Variants in GAB4 observed in about 807,000 individuals in gnomAD.
The protein encoded by GAB4 is GRB2 associated binding protein family member 4, also known as GRB2-associated-binding protein 4.
A neutral mutation model predicts 51.3 loss-of-function variants in GAB4; 26 were observed. The ratio of observed to expected loss-of-function variants is 0.51; its 90% CI spans 0.37 to 0.70. The LOEUF is 0.70. Among genes scored for constraint, GAB4 ranks in the 30% least tolerant of loss-of-function variants. The pLI, the probability that GAB4 is intolerant of heterozygous loss-of-function variation, is 0.00. For missense variants in GAB4, 759 were observed against 734.6 expected, an observed-to-expected ratio of 1.03 and a Z score of -0.38; for synonymous variants, 329 against 291.2, an observed-to-expected ratio of 1.13 and a Z score of -1.32.
chr22:16,975,743 C>CACCT (rs1245249773), intron 3 of GAB4, among the ~76,000 whole-genome samples: 1 of 152,326 alleles, frequency 6.6e-6, no homozygotes, highest in South Asian at 2.1e-4. Flanking sequence ...CATCGACAGA[C>CACCT]ACCTCATACA....
chr22:16,999,936 T>C (rs1187236629), intron 1 of GAB4, among the ~76,000 whole-genome samples: 1 of 152,222 alleles, frequency 6.6e-6, no homozygotes, highest in Non-Finnish European at 1.5e-5. Flanking sequence ...TCAGTTTCCA[T>C]ATAGTTGAGC....
chr22:17,002,017 C>A (rs2061001606), intron 1 of GAB4, among the ~76,000 whole-genome samples: 1 of 152,104 alleles, frequency 6.6e-6, no homozygotes, highest in Non-Finnish European at 1.5e-5. Context: ...TGGAAAAGTG[C>A]AGTATTAGGG....
At position 16,968,278 on chromosome 22, in the gene GAB4, C is replaced by T. The variant is rs765989364; in HGVS notation, c.1023+20G>A. ...ACCTCCCTGAGCCAGTCTGGGGACC[C>T]CTGGTTAAGCCATACTCACCAGGAA... On this transcript the variant is annotated intron_variant, in intron 5 of 9. Coordinates refer to ENST00000400588, the MANE Select transcript of GAB4 (RefSeq NM_001037814.1). 4 of 1,592,092 alleles carry T rather than the reference C, an allele frequency of 2.5e-6. No homozygotes were observed. The highest frequency in any genetic ancestry group is 2.2e-5 in the South Asian group (2 of 90,658).
At chr22:16,968,839 C>T (rs2060705049) in intron 4 of GAB4, among the ~76,000 whole-genome samples, 1 of 152,120 alleles carries the variant, frequency 6.6e-6, no homozygotes, top group Non-Finnish European at 1.5e-5. Context: ...TGCTGAAACA[C>T]TAAAAAGACT....
At chr22:16,995,379 G>A (rs901399356) in intron 1 of GAB4, among the ~76,000 whole-genome samples, 4 of 152,200 alleles carry the variant, frequency 2.6e-5, no homozygotes, top group Non-Finnish European at 5.9e-5. Flanking sequence ...TCCATGTTGT[G>A]TATCAATATC....
Position 16,965,177 on chromosome 22 carries a change from C to T in GAB4, c.1379+1G>A, listed in dbSNP as rs1358154269. 6.2e-6 allele frequency: 10 copies of T among 1,610,660 alleles called. No individual in the cohort carries two copies. The highest frequency in any genetic ancestry group is 2.2e-5 in the East Asian group (1 of 44,842). On this transcript the variant is annotated splice_donor_variant, in intron 7 of 9. Transcript: ENST00000400588. LOFTEE classifies it high-confidence loss of function. ...TCCTGTTTCCACTGACAGACACTCACCTGGTCCCAGACCAGGGCTCTGTGA... is the reference window on the plus strand; with the variant it reads ...TCCTGTTTCCACTGACAGACACTCATCTGGTCCCAGACCAGGGCTCTGTGA...
At position 16,966,224 on chromosome 22, in the gene GAB4, T is replaced by A. The variant is rs375569869; in HGVS notation, c.1164A>T (p.Ser388=). The A allele has an allele frequency of 1.9e-6, 3 of 1,613,916 alleles. No individual in the cohort carries two copies. The highest frequency in any genetic ancestry group is 2.5e-6 in the Non-Finnish European group (3 of 1,180,028). Residue 388 remains serine, a synonymous_variant, in exon 6 of 10, where the codon TCA becomes TCT. Transcript: ENST00000400588. ...DSQGVCIPVG[S]CLVRFDLLGS... ...CAAGCAGGTCAAAGCGAACAAGACA[T>A]GAGCCCACAGGGATGCAGACACCCT...
chr22:16,965,895 C>G (rs2060668429), intron 6 of GAB4, among the ~76,000 whole-genome samples: 1 of 152,188 alleles, frequency 6.6e-6, no homozygotes, highest in Admixed American at 6.5e-5. Flanking sequence ...TGCTGTGAGC[C>G]AGGGCCACTG....
intron 1 of GAB4, among the ~76,000 whole-genome samples, chr22:16,995,957 T>A (rs1340305642): frequency 6.6e-6 from 1 of 151,332 alleles, no homozygotes; most frequent in Non-Finnish European, 1.5e-5. Context: ...GGAGAATGAG[T>A]TTGACAAACT....
At chr22:16,964,713 G>T in intron 8 of GAB4, 53 bp downstream of exon 8, 1 of 1,296,336 alleles carries the variant, frequency 7.7e-7, no homozygotes, top group Non-Finnish European at 1.1e-6. Flanking sequence ...GGACATGAGT[G>T]TGGGTCCCAG....
chr22:17,008,038 G>A lies in GAB4; in HGVS notation c.77C>T (p.Pro26Leu). ...DPAFAPLSSW[P>L]GSGPAGGSTR... Reference sequence around the variant, plus strand: ...GCTTCCGCCGGCGGGGCCACTTCCGGGCCACGAAGACAAAGGCGCAAATGC... The same window carrying A: ...GCTTCCGCCGGCGGGGCCACTTCCGAGCCACGAAGACAAAGGCGCAAATGC... Residue 26 changes from proline (P) to leucine (L), a missense_variant, in exon 1 of 10, where the codon CCC becomes CTC. Physicochemically the swap from Pro to Leu is moderately conservative, Grantham distance 98. Around this residue, in one of 3 missense-constraint regions of GAB4, gnomAD observed 83 missense variants for 73.1 expected, o/e 1.14. Transcript: ENST00000400588. 6.2e-7 allele frequency: 1 copy of A among 1,608,892 alleles called. No individual in the cohort carries two copies. The highest frequency in any genetic ancestry group is 8.5e-7 in the Non-Finnish European group (1 of 1,177,988).
chr22:16,983,001 G>A (rs2060839406), intron 3 of GAB4, among the ~76,000 whole-genome samples: 3 of 152,230 alleles, frequency 2.0e-5, no homozygotes, highest in Non-Finnish European at 4.4e-5. Context: ...CCTCTGGAAT[G>A]TGTCTAGACT....
At chr22:16,987,867 T>C in intron 3 of GAB4, 93 bp downstream of exon 3, 3 of 930,356 alleles carry the variant, frequency 3.2e-6, no homozygotes, top group Non-Finnish European at 4.9e-6. Flanking sequence ...TAATATTTTA[T>C]GTCTTTCTCT....
chr22:16,980,664 C>T (rs2060819799), intron 3 of GAB4, among the ~76,000 whole-genome samples: 1 of 152,148 alleles, frequency 6.6e-6, no homozygotes, highest in Non-Finnish European at 1.5e-5. Flanking sequence ...TGGGTATATA[C>T]CCAAAGGATT....
At chr22:16,985,212 C>T (rs917889055) in intron 3 of GAB4, among the ~76,000 whole-genome samples, 3 of 152,304 alleles carry the variant, frequency 2.0e-5, no homozygotes, top group East Asian at 1.9e-4. Context: ...CCATTACATA[C>T]ATTTTTTGCC....
chr22:16,998,850 G>T (rs1000020296), intron 1 of GAB4, among the ~76,000 whole-genome samples: 1 of 152,146 alleles, frequency 6.6e-6, no homozygotes, highest in Non-Finnish European at 1.5e-5. Context: ...TTAGCATGAA[G>T]GGCTGTTGAA....
intron 3 of GAB4, among the ~76,000 whole-genome samples, chr22:16,977,078 T>C (rs777171310): frequency 2.4e-4 from 36 of 152,288 alleles, no homozygotes; most frequent in Middle Eastern, 6.8e-3. Context: ...TACCAAAATG[T>C]AGAGACCATC....
chr22:16,978,181 C>G (rs989008963), intron 3 of GAB4, among the ~76,000 whole-genome samples: 3 of 152,106 alleles, frequency 2.0e-5, no homozygotes, highest in African/African-American at 7.2e-5. Flanking sequence ...TAACCAAGAT[C>G]AGAGCAGAGC....
chr22:16,989,148 G>T (rs1476229373), intron 2 of GAB4, among the ~76,000 whole-genome samples: 4 of 152,202 alleles, frequency 2.6e-5, no homozygotes, highest in African/African-American at 9.6e-5. Context: ...TTTTTAGTTT[G>T]TGTTTGCAGA....
Sources: allele counts gnomAD v4.1 joint callset (sites outside exome capture counted in the v4.1 genomes callset), GRCh38; gene constraint gnomAD v4.1.1; regional missense constraint gnomAD v4.1.1; transcripts MANE v1.5; gene names NCBI Gene and HGNC (gene_info 2026-07-23, HGNC 2026-07-21).